Variants in WWTR1 observed in about 807,000 individuals in gnomAD.
WWTR1 encodes the protein WW domain-containing transcription regulator protein 1.
WWTR1 carries 13 observed loss-of-function variants against 40.1 expected under a neutral mutation model. The observed-to-expected ratio is 0.32, with a 90% CI of 0.21 to 0.52. The LOEUF (loss-of-function observed/expected upper bound fraction) is 0.52. WWTR1 is among the 20% of genes least tolerant of loss of function. The probability of loss-of-function intolerance (pLI) is 0.97; values close to 1 mark genes in which losing one functional copy is unlikely to be tolerated. For missense variants in WWTR1, 436 were observed against 523.1 expected (o/e 0.83, Z 1.63); for synonymous variants, 230 against 210.1 (o/e 1.09, Z -0.82).
At chr3:149,653,955 T>C (rs1161034068) in intron 2 of WWTR1, among the ~76,000 whole-genome samples, 3 of 151,948 alleles carry the variant, frequency 2.0e-5, no homozygotes, top group Non-Finnish European at 4.4e-5. Context: ...AGCTCTCAAC[T>C]CCCAACAGAG....
chr3:149,527,561 C>T (rs1187358899), intron 5 of WWTR1, among the ~76,000 whole-genome samples: 2 of 152,224 alleles, frequency 1.3e-5, no homozygotes, highest in African/African-American at 4.8e-5. Context: ...ACGACACCAT[C>T]ATGTTTAAAA....
intron 4 of WWTR1, among the ~76,000 whole-genome samples, chr3:149,529,610 G>C (rs180791725): frequency 1.8e-4 from 28 of 152,278 alleles, no homozygotes; most frequent in Admixed American, 4.6e-4. Context: ...TCTTGGAAGT[G>C]CCTTCTGAAT....
At chr3:149,707,161 C>T (rs112494470), upstream of WWTR1, among the ~76,000 whole-genome samples, 618 of 152,228 alleles carry the variant, frequency 4.1e-3, 7 homozygotes, top group African/African-American at 0.014. Context: ...AATGGAAAAG[C>T]AAGGACAAGG....
intron 2 of WWTR1, among the ~76,000 whole-genome samples, chr3:149,594,296 T>A (rs1035322533): frequency 2.0e-5 from 3 of 152,080 alleles, no homozygotes; most frequent in Admixed American, 2.0e-4. Context: ...GTTTAGGAGT[T>A]CCCCCTCCCC....
intron 1 of WWTR1, among the ~76,000 whole-genome samples, chr3:149,683,237 A>G (rs1192261101): frequency 6.6e-6 from 1 of 152,234 alleles, no homozygotes; most frequent in Non-Finnish European, 1.5e-5. Flanking sequence ...AGAAAGGTCA[A>G]TGAGTTTGTC....
chr3:149,522,813 G>A (rs1447020628), intron 6 of WWTR1, among the ~76,000 whole-genome samples: 1 of 151,996 alleles, frequency 6.6e-6, no homozygotes, highest in African/African-American at 2.4e-5. Flanking sequence ...GAGGTGGGTG[G>A]ATCACCTGAG....
At chr3:149,663,652 T>C (rs1021884157) in intron 2 of WWTR1, among the ~76,000 whole-genome samples, 3 of 152,084 alleles carry the variant, frequency 2.0e-5, no homozygotes, top group African/African-American at 7.2e-5. Context: ...GCCGAGATCA[T>C]GCCATTGCAC....
chr3:149,610,883 C>G (rs568446803), intron 2 of WWTR1, among the ~76,000 whole-genome samples: 1 of 152,110 alleles, frequency 6.6e-6, no homozygotes, highest in African/African-American at 2.4e-5. Flanking sequence ...TGGCTCACAC[C>G]TGTAATCCCA....
chr3:149,714,512 G>A (rs1441441772), intron 5 of WWTR1, among the ~76,000 whole-genome samples: 2 of 152,250 alleles, frequency 1.3e-5, no homozygotes, highest in Non-Finnish European at 2.9e-5. Context: ...TCAGGGCACC[G>A]CTGAGACACC....
intron 4 of WWTR1, among the ~76,000 whole-genome samples, chr3:149,721,826 G>A (rs1715764758): frequency 6.6e-6 from 1 of 152,160 alleles, no homozygotes; most frequent in Non-Finnish European, 1.5e-5. Context: ...AGCTTCCTGA[G>A]TAGGTGAGAC....
At chr3:149,692,344 C>G (rs1274715578) in intron 1 of WWTR1, among the ~76,000 whole-genome samples, 1 of 152,038 alleles carries the variant, frequency 6.6e-6, no homozygotes, top group Non-Finnish European at 1.5e-5. Context: ...AAGAATGATT[C>G]AACATATGCA....
chr3:149,676,692 C>T (rs1167323518), intron 1 of WWTR1, among the ~76,000 whole-genome samples: 2 of 152,140 alleles, frequency 1.3e-5, no homozygotes, highest in South Asian at 2.1e-4. Context: ...GATTCTAAAC[C>T]GGGTCTGCCT....
chr3:149,660,202 G>A (rs553828589), upstream of WWTR1: 3 of 152,294 alleles, frequency 2.0e-5, no homozygotes, highest in Non-Finnish European at 4.4e-5. Flanking sequence ...TATCGAACAA[G>A]AGGAAGTGAC....
intron 2 of WWTR1, among the ~76,000 whole-genome samples, chr3:149,583,564 T>C (rs1281150187): frequency 1.3e-5 from 2 of 152,236 alleles, no homozygotes; most frequent in East Asian, 3.8e-4. Context: ...AACTTTTGAA[T>C]ATACAGTCCA....
chr3:149,556,798 A>G (rs1039392616), intron 3 of WWTR1, among the ~76,000 whole-genome samples: 3 of 152,148 alleles, frequency 2.0e-5, no homozygotes, highest in African/African-American at 7.2e-5. Flanking sequence ...AACAAAATAA[A>G]AGCCTGTAGC....
At chr3:149,702,961 T>C (rs539948142) in intron 1 of WWTR1, 1 of 152,310 alleles carries the variant, frequency 6.6e-6, no homozygotes, top group African/African-American at 2.4e-5. Context: ...GATTCTTTCT[T>C]TGGCACATAA....
At chr3:149,631,100 G>A (rs1711534611) in intron 2 of WWTR1, among the ~76,000 whole-genome samples, 2 of 152,184 alleles carry the variant, frequency 1.3e-5, no homozygotes, top group Non-Finnish European at 2.9e-5. Context: ...TGCCAGGCAA[G>A]AGCTGTCCCC....
upstream of WWTR1, among the ~76,000 whole-genome samples, chr3:149,659,115 G>GT (rs1486797914): frequency 6.6e-6 from 1 of 152,100 alleles, no homozygotes; most frequent in Non-Finnish European, 1.5e-5. Context: ...TTTCTCTCTG[G>GT]TTGCCTCTCC....
chr3:149,640,010 A>AAAAGAAAGAAAGAAAGAAAGAAAG (rs1179547242), intron 2 of WWTR1, among the ~76,000 whole-genome samples: 5 of 140,346 alleles, frequency 3.6e-5, no homozygotes, highest in African/African-American at 1.5e-4. Flanking sequence ...AAAAAAAAAA[A>AAAAGAAAGAAAGAAAGAAAGAAAG]AAAGAAAGAA....
Sources: gnomAD v4.1 joint callset for allele counts (sites outside exome capture counted in the v4.1 genomes callset) on GRCh38, gnomAD v4.1.1 for gene constraint, MANE v1.5 for transcripts, NCBI Gene and HGNC (gene_info 2026-07-23, HGNC 2026-07-21) for gene names.